PDCD6: variants seen among roughly 807,000 people sequenced by gnomAD.
PDCD6 encodes programmed cell death protein 6.
A neutral mutation model predicts 28.3 loss-of-function variants in PDCD6; 12 were observed. That is an observed-to-expected ratio of 0.42 (90% confidence interval 0.27 to 0.69). The LOEUF (loss-of-function observed/expected upper bound fraction) is 0.69, where lower values mean the gene tolerates loss of function less well. Ranked by LOEUF, PDCD6 falls within the 30% of genes least tolerant of loss-of-function variation. The pLI, the probability that PDCD6 is intolerant of heterozygous loss-of-function variation, is 0.22. For missense variants in PDCD6, 226 were observed against 269.9 expected, an observed-to-expected ratio of 0.84 and a Z score of 1.14; for synonymous variants, 92 against 108.0, an observed-to-expected ratio of 0.85 and a Z score of 0.92.
At chr5:273,879 C>G (rs1738008000) in intron 2 of PDCD6, among the ~76,000 whole-genome samples, 1 of 151,680 alleles carries the variant, frequency 6.6e-6, no homozygotes, top group Non-Finnish European at 1.5e-5. Context: ...GCTGTTATCT[C>G]TACACTAGTG....
chr5:308,068 G>A lies in PDCD6; in HGVS notation c.367+1308G>A, dbSNP rs530408051. The A allele has an allele frequency of 3.3e-5, 5 of 152,460 alleles. No homozygotes were observed. The South Asian group carries it at 1.0e-3, about 32-fold the overall frequency. 9.4% of individuals were successfully genotyped at this position (152,460 alleles called of 1,614,324 possible). ...AGGTACGGAAGGGCTGGGAGGGAAG[G>A]ATGCCACCCTCCACAGAGAGTGGTC... On this transcript the variant is annotated intron_variant, in intron 4 of 5. Transcript: ENST00000264933.
intron 3 of PDCD6, 130 bp downstream of exon 3, chr5:304,351 G>A (rs1171881482): frequency 3.2e-5 from 38 of 1,187,752 alleles, no homozygotes; most frequent in Admixed American, 4.7e-5. Context: ...GATGAGCGTC[G>A]GCCCTTTCAT....
At chr5:283,280 G>A (rs1375228070) in intron 2 of PDCD6, among the ~76,000 whole-genome samples, 2 of 151,504 alleles carry the variant, frequency 1.3e-5, no homozygotes, top group African/African-American at 2.4e-5. Flanking sequence ...AGGAGCTTAT[G>A]TTGTTCACTT....
At chr5:277,311 T>G (rs1358815124) in intron 2 of PDCD6, among the ~76,000 whole-genome samples, 1 of 145,664 alleles carries the variant, frequency 6.9e-6, no homozygotes, top group Non-Finnish European at 1.5e-5. Flanking sequence ...ATTTTTTTTT[T>G]TTTTTTTTTT....
At chr5:274,896 C>T (rs1184869079) in intron 2 of PDCD6, among the ~76,000 whole-genome samples, 1 of 152,172 alleles carries the variant, frequency 6.6e-6, no homozygotes, top group Non-Finnish European at 1.5e-5. Context: ...TAAATATCTA[C>T]CAGGAGACTG....
At chr5:308,095 T>G (rs563972109) in intron 4 of PDCD6, 55 of 152,356 alleles carry the variant, frequency 3.6e-4, no homozygotes, top group African/African-American at 1.3e-3. Flanking sequence ...AGAGTGGTCC[T>G]GGGGGCCAGG....
intron 2 of PDCD6, among the ~76,000 whole-genome samples, chr5:292,417 C>G (rs1380600883): frequency 7.9e-5 from 12 of 152,102 alleles, no homozygotes; most frequent in Admixed American, 7.9e-4. Flanking sequence ...CGCCACCACC[C>G]CTGGCTAATT....
At chr5:289,796 G>C in intron 2 of PDCD6, 1 of 1,115,796 alleles carries the variant, frequency 9.0e-7, no homozygotes, top group East Asian at 2.3e-5. Flanking sequence ...GGTCGATTAC[G>C]TGGTCTGGGT....
chr5:274,465 G>A (rs367957342), intron 2 of PDCD6, among the ~76,000 whole-genome samples: 1 of 152,304 alleles, frequency 6.6e-6, no homozygotes, highest in East Asian at 1.9e-4. Flanking sequence ...TTGTGTCCTC[G>A]CCGTTACTGG....
chr5:310,510 G>A (rs556983827), intron 4 of PDCD6: 1 of 152,502 alleles, frequency 6.6e-6, no homozygotes, highest in East Asian at 1.9e-4. Flanking sequence ...CCACAGTCAC[G>A]AAGGCAGTGG....
intron 2 of PDCD6, among the ~76,000 whole-genome samples, chr5:298,701 C>A (rs1474211646): frequency 8.1e-6 from 1 of 123,796 alleles, no homozygotes; most frequent in African/African-American, 3.3e-5. Flanking sequence ...TGCTCCCACT[C>A]AGCTGCTCCC....
At chr5:279,216 A>AC (rs1465205531) in intron 2 of PDCD6, among the ~76,000 whole-genome samples, 11 of 151,862 alleles carry the variant, frequency 7.2e-5, no homozygotes, top group Admixed American at 7.2e-4. Context: ...TAAGAGTATG[A>AC]CGCAGCCGCA....
intron 2 of PDCD6, among the ~76,000 whole-genome samples, chr5:296,897 C>T (rs1338982016): frequency 6.6e-6 from 1 of 151,992 alleles, no homozygotes; most frequent in African/African-American, 2.4e-5. Flanking sequence ...TATGCCTCCC[C>T]AGCCCGGGAG....
rs899425251 is a variant in PDCD6, at chr5:305,755, C to T, written c.209-847C>T. 1 of 152,204 alleles carries T rather than the reference C, an allele frequency of 6.6e-6. No individual in the cohort carries two copies. Among genetic ancestry groups the T allele is most frequent in the Non-Finnish European group, 1.5e-5 (1 of 68,062 alleles). 9.4% of individuals were successfully genotyped at this position (152,204 alleles called of 1,614,324 possible). A position where few individuals can be genotyped will look rare whatever the true frequency, so the allele number is the denominator to read the frequency against. On this transcript the variant is annotated intron_variant, in intron 3 of 5. Transcript: ENST00000264933. The surrounding 1 kb of genome is among the most constrained non-coding windows in gnomAD (Gnocchi z 4.0). Reference sequence around the variant, plus strand: ...ACACACGTCGTGGAACGGTGCACGTCGTGGAACGGTTGTGTGAAAAACAGC... The same window carrying T: ...ACACACGTCGTGGAACGGTGCACGTTGTGGAACGGTTGTGTGAAAAACAGC...
In PDCD6 at chr5:314,413, C is replaced by G; in HGVS notation, c.478-4C>G. 1.9e-6 allele frequency: 3 copies of G among 1,607,518 alleles called. No homozygotes were observed. ...CGAGATTTAAATGCCTGTTTTCTCC[C>G]CAGAGGTTGACGGATATATTCAGAC... On this transcript the variant is annotated splice_region_variant and splice_polypyrimidine_tract_variant and intron_variant, in intron 5 of 5. Coordinates refer to ENST00000264933, the MANE Select transcript of PDCD6 (RefSeq NM_013232.4).
At chr5:278,450 T>C (rs1296460948) in intron 2 of PDCD6, among the ~76,000 whole-genome samples, 3 of 151,626 alleles carry the variant, frequency 2.0e-5, no homozygotes, top group South Asian at 2.1e-4. Context: ...TGGCTCATGC[T>C]TGTAATCCCA....
At chr5:288,504 C>G (rs1412723155) in intron 2 of PDCD6, among the ~76,000 whole-genome samples, 2 of 150,930 alleles carry the variant, frequency 1.3e-5, no homozygotes, top group Non-Finnish European at 3.0e-5. Flanking sequence ...GTGATAATCT[C>G]AAAAAACTTT....
At chr5:306,217 C>G (rs1365018085) in intron 3 of PDCD6, 1 of 231,812 alleles carries the variant, frequency 4.3e-6, no homozygotes, top group African/African-American at 2.2e-5. Flanking sequence ...GGCCGAGACC[C>G]AGGAGCCAGG....
chr5:302,740 A>C (rs1740184880), intron 2 of PDCD6, among the ~76,000 whole-genome samples: 1 of 143,722 alleles, frequency 7.0e-6, no homozygotes, highest in African/African-American at 2.7e-5. Context: ...CTTTGTGGGG[A>C]GAGCACAGCT....
Sources: allele counts gnomAD v4.1 joint callset (sites outside exome capture counted in the v4.1 genomes callset), GRCh38; gene constraint gnomAD v4.1.1; non-coding constraint Gnocchi (gnomAD v3.1); transcripts MANE v1.5; gene names NCBI Gene and HGNC (gene_info 2026-07-23, HGNC 2026-07-21).